CRHR2: variants seen among roughly 807,000 people sequenced by gnomAD.
CRHR2 encodes the protein corticotropin-releasing hormone receptor 2.
Under a neutral mutation model 57.9 loss-of-function variants are expected in CRHR2, and 53 were observed. The ratio of observed to expected loss-of-function variants is 0.92; its 90% CI spans 0.73 to 1.15. The LOEUF is 1.15. Ranked by LOEUF, CRHR2 falls within the 50% of genes most tolerant of loss-of-function variation. The probability of loss-of-function intolerance (pLI) is 0.00; values close to 1 mark genes in which losing one functional copy is unlikely to be tolerated. For synonymous variants in CRHR2, 213 were observed against 220.9 expected (o/e 0.96, Z 0.32); for missense variants, 532 against 542.6 (o/e 0.98, Z 0.19).
At position 30,656,025 on chromosome 7, in the gene CRHR2, C is replaced by T. The variant is rs375662432; in HGVS notation, c.832-13G>A. 32 of 1,397,718 alleles carry T rather than the reference C, an allele frequency of 2.3e-5. No homozygotes were observed. The highest frequency in any genetic ancestry group is 2.9e-5 in the Non-Finnish European group (29 of 990,046). The allele number at this position is 1,397,718 out of a possible 1,614,324, so 86.6% of individuals were successfully genotyped here. Reference sequence around the variant, plus strand: ...ATACGAAATTGATCTGGAGGGAGGGCGGGCATGGGAAAGAGGGAAAAGGAA... The same window carrying T: ...ATACGAAATTGATCTGGAGGGAGGGTGGGCATGGGAAAGAGGGAAAAGGAA... On this transcript the variant is annotated splice_polypyrimidine_tract_variant and intron_variant, in intron 8 of 11. Coordinates refer to ENST00000471646, the MANE Select transcript of CRHR2 (RefSeq NM_001883.5). The surrounding 1 kb of genome is among the most constrained non-coding windows in gnomAD (Gnocchi z 4.4).
intron 2 of CRHR2, among the ~76,000 whole-genome samples, chr7:30,672,647 G>GTGT (rs1784400130): frequency 6.6e-6 from 1 of 152,230 alleles, no homozygotes; most frequent in South Asian, 2.1e-4. Flanking sequence ...CCATGGGTAG[G>GTGT]CTGACCCAGC....
At chr7:30,692,767 G>A (rs917199230) in intron 1 of CRHR2, among the ~76,000 whole-genome samples, 5 of 152,168 alleles carry the variant, frequency 3.3e-5, no homozygotes, top group African/African-American at 2.4e-5. Context: ...GAATCCTCAC[G>A]GCAGTCTCTG....
At chr7:30,684,486 G>T (rs753055091), upstream of CRHR2, among the ~76,000 whole-genome samples, 5 of 152,226 alleles carry the variant, frequency 3.3e-5, no homozygotes, top group Non-Finnish European at 5.9e-5. Flanking sequence ...CAGAGGCCAG[G>T]GACTTCTCAT....
At chr7:30,689,358 C>G (rs1562810901) in intron 1 of CRHR2, 1 of 1,232,322 alleles carries the variant, frequency 8.1e-7, no homozygotes, top group African/African-American at 1.5e-5. Flanking sequence ...TGCCCCCATC[C>G]TATCCTATCA....
At chr7:30,676,195 A>G (rs1318974536) in intron 2 of CRHR2, among the ~76,000 whole-genome samples, 2 of 152,186 alleles carry the variant, frequency 1.3e-5, no homozygotes, top group South Asian at 2.1e-4. Flanking sequence ...GCAGCCGGGC[A>G]GCTCTGGGGT....
intron 8 of CRHR2, among the ~76,000 whole-genome samples, chr7:30,659,229 G>A (rs142824178): frequency 9.8e-5 from 15 of 152,358 alleles, no homozygotes; most frequent in Admixed American, 2.6e-4. Flanking sequence ...CAGGGGTGGA[G>A]CCAGAGAATG....
chr7:30,661,413 A>G (rs1468994542), intron 7 of CRHR2, among the ~76,000 whole-genome samples: 4 of 152,096 alleles, frequency 2.6e-5, no homozygotes, highest in African/African-American at 4.8e-5. Context: ...GAAGCTCACC[A>G]CCTACCAAGG....
intron 2 of CRHR2, among the ~76,000 whole-genome samples, chr7:30,681,077 G>C (rs950928945): frequency 6.6e-6 from 1 of 151,992 alleles, no homozygotes; most frequent in Non-Finnish European, 1.5e-5. Flanking sequence ...GTTCCACAGG[G>C]CACAGACAGG....
chr7:30,680,818 TTG>T (rs60568949), intron 2 of CRHR2, among the ~76,000 whole-genome samples: 10,583 of 145,358 alleles, frequency 0.073, 429 homozygotes, highest in African/African-American at 0.12. Flanking sequence ...TTCTGAAAGC[TTG>T]TGTGTGTGTG....
intron 1 of CRHR2, among the ~76,000 whole-genome samples, chr7:30,695,582 T>C (rs920376923): frequency 6.6e-6 from 1 of 152,000 alleles, no homozygotes; most frequent in Non-Finnish European, 1.5e-5. Flanking sequence ...TGGCCCAACA[T>C]AGGGGCAGGA....
intron 2 of CRHR2, among the ~76,000 whole-genome samples, chr7:30,668,182 G>A (rs1435254221): frequency 1.3e-5 from 2 of 152,214 alleles, no homozygotes; most frequent in African/African-American, 4.8e-5. Flanking sequence ...CAAGGGGGAA[G>A]GTAGGAAAGT....
At chr7:30,661,879 G>A (rs1360149803) in intron 7 of CRHR2, among the ~76,000 whole-genome samples, 1 of 152,236 alleles carries the variant, frequency 6.6e-6, no homozygotes, top group Non-Finnish European at 1.5e-5. Flanking sequence ...CAAGTCTGAG[G>A]AGGCCTTACA....
intron 7 of CRHR2, 135 bp from the exon 8 acceptor site, chr7:30,660,780 G>T: frequency 1.2e-6 from 1 of 827,590 alleles, no homozygotes. Flanking sequence ...AGAAAGCCTT[G>T]GTGGAAATAC....
rs748674703 is a variant in CRHR2 at position 30,667,182 on chromosome 7, A to G, written c.315+46T>C. 11 of 1,567,810 alleles carry G rather than the reference A, an allele frequency of 7.0e-6. 1 individual carries two copies. The highest frequency in any genetic ancestry group is 3.3e-5 in the South Asian group (3 of 90,072). ...ATCTTCTCTGCTCAACCTGAGTCCA[A>G]ATACCTGTGTGAGGCCTGGGGTCAC... On this transcript the variant is annotated intron_variant, in intron 3 of 11. Transcript: ENST00000471646.
chr7:30,686,552 T>G, upstream of CRHR2: 4 of 1,518,222 alleles, frequency 2.6e-6, no homozygotes, highest in Non-Finnish European at 3.5e-6. Context: ...CTCACACCCA[T>G]AATCTCAGCA....
rs1584072458 is a variant in CRHR2, at chr7:30,652,930, T to G, written c.*530A>C. The G allele has an allele frequency of 6.6e-6, 1 of 152,250 alleles. No individual in the cohort carries two copies. Among genetic ancestry groups the G allele is most frequent in the Non-Finnish European group, 1.5e-5 (1 of 68,198 alleles). The allele number at this position is 152,250 out of a possible 1,614,324, so 9.4% of individuals were successfully genotyped here. On this transcript the variant is annotated 3_prime_UTR_variant, in exon 12 of 12. Transcript: ENST00000471646. The surrounding 1 kb of genome is among the most constrained non-coding windows in gnomAD (Gnocchi z 4.4). ...TGGGGAGGGGACACAGGAACAAGGG[T>G]GGGGTACAAGTGAGCCTCTCTAGGT...
At chr7:30,677,021 G>A (rs1299550401) in intron 2 of CRHR2, among the ~76,000 whole-genome samples, 1 of 152,170 alleles carries the variant, frequency 6.6e-6, no homozygotes, top group African/African-American at 2.4e-5. Context: ...TTCCACAGAA[G>A]GAAAATGGAC....
At position 30,665,022 on chromosome 7, in the gene CRHR2, G is replaced by A. The variant is rs770794509; in HGVS notation, c.543+48C>T. ...CCAGACAGACAGATGGGTGCCCCCG[G>A]AGCCCAGAGCCCCCCAGGTATAGCC... On this transcript the variant is annotated intron_variant, in intron 5 of 11. Coordinates refer to ENST00000471646, the MANE Select transcript of CRHR2 (RefSeq NM_001883.5). This position sits in a 1 kb window ranked among gnomAD's most constrained non-coding sequence, Gnocchi z 4.5. The A allele has an allele frequency of 2.7e-6, 4 of 1,509,436 alleles. No homozygotes were observed. The South Asian group carries it at 4.5e-5, about 17-fold the overall frequency. 93.5% of individuals were successfully genotyped at this position (1,509,436 alleles called of 1,614,324 possible). A position where few individuals can be genotyped will look rare whatever the true frequency, so the allele number is the denominator to read the frequency against.
Position 30,656,737 on chromosome 7 carries a change from G to A in CRHR2, c.832-725C>T, listed in dbSNP as rs573797913. 3.2e-4 allele frequency among the ~76,000 whole-genome samples: 48 copies of A among 152,294 alleles called. No individual in the cohort carries two copies. The highest frequency in any genetic ancestry group is 1.0e-3 in the African/African-American group (42 of 41,568). On this transcript the variant is annotated intron_variant, in intron 8 of 11. Coordinates refer to ENST00000471646, the MANE Select transcript of CRHR2 (RefSeq NM_001883.5). This position sits in a 1 kb window ranked among gnomAD's most constrained non-coding sequence, Gnocchi z 4.4. ...CTGTGTGGCTCCCCAGCTGCTCCCT[G>A]CTGGGTGTGGGTCCCCATGGGCCTG...
Sources: gnomAD v4.1 joint callset for allele counts (sites outside exome capture counted in the v4.1 genomes callset) on GRCh38, gnomAD v4.1.1 for gene constraint, Gnocchi (gnomAD v3.1) non-coding constraint, MANE v1.5 for transcripts, NCBI Gene and HGNC (gene_info 2026-07-23, HGNC 2026-07-21) for gene names.